Variants in VAV3 observed in about 807,000 individuals in gnomAD.
VAV3 encodes guanine nucleotide exchange factor VAV3.
A neutral mutation model predicts 131.2 loss-of-function variants in VAV3; 94 were observed. The ratio of observed to expected loss-of-function variants is 0.72; its 90% CI spans 0.61 to 0.85. VAV3 has a LOEUF of 0.85. Among genes scored for constraint, VAV3 ranks in the 40% least tolerant of loss-of-function variants. The pLI, the probability that VAV3 is intolerant of heterozygous loss-of-function variation, is 0.00. For synonymous variants in VAV3, 349 were observed against 342.0 expected (o/e 1.02, Z -0.22); for missense variants, 939 against 1,002.7 (o/e 0.94, Z 0.86).
At chr1:107,770,596 G>T in intron 6 of VAV3, 40 bp downstream of exon 6, 1 of 1,223,386 alleles carries the variant, frequency 8.2e-7, no homozygotes, top group Non-Finnish European at 1.2e-6. Flanking sequence ...AACTATATTA[G>T]GCAGTATTTG....
chr1:107,950,130 C>CA (rs58865681), intron 1 of VAV3, among the ~76,000 whole-genome samples: 108,713 of 150,194 alleles, frequency 0.72, 40,837 homozygotes, highest in East Asian at 0.91. Flanking sequence ...AACCACAAAA[C>CA]AAAAAAAAAG....
chr1:107,835,983 G>C (rs1457998845), intron 2 of VAV3, among the ~76,000 whole-genome samples: 1 of 152,164 alleles, frequency 6.6e-6, no homozygotes, highest in African/African-American at 2.4e-5. Flanking sequence ...GGAAACACAG[G>C]CATGGTGCCT....
chr1:107,905,593 A>C (rs1274286818), intron 1 of VAV3, among the ~76,000 whole-genome samples: 1 of 152,204 alleles, frequency 6.6e-6, no homozygotes, highest in Non-Finnish European at 1.5e-5. Context: ...CCAGATTGCA[A>C]ACCTCTGAGC....
At chr1:107,862,886 C>T (rs1161906706) in intron 2 of VAV3, 4 of 151,708 alleles carry the variant, frequency 2.6e-5, no homozygotes, top group African/African-American at 9.7e-5. Flanking sequence ...ATGATAAACC[C>T]CAAATTTCTA....
intron 17 of VAV3, among the ~76,000 whole-genome samples, chr1:107,701,186 G>A (rs1451429345): frequency 6.6e-6 from 1 of 151,962 alleles, no homozygotes; most frequent in Non-Finnish European, 1.5e-5. Flanking sequence ...TAAGTGCCTT[G>A]TAGACTCTGG....
intron 15 of VAV3, among the ~76,000 whole-genome samples, chr1:107,723,641 A>C (rs1047209666): frequency 1.8e-4 from 26 of 148,298 alleles, no homozygotes; most frequent in Non-Finnish European, 3.0e-4. Flanking sequence ...AGCAGACCCA[A>C]CTCTCTCTCC....
At position 107,779,428 on chromosome 1, in the gene VAV3, G is replaced by A; in HGVS notation, c.380+6C>T. On this transcript the variant is annotated splice_donor_region_variant and intron_variant, in intron 3 of 26. Transcript: ENST00000370056. ...GGGACACATGAACAACGAAAACAGA[G>A]CTTACCTGATTCCTGTGGCCAATGC... The A allele has an allele frequency of 6.3e-7, 1 of 1,584,150 alleles. No individual in the cohort carries two copies. The highest frequency in any genetic ancestry group is 8.6e-7 in the Non-Finnish European group (1 of 1,165,666).
chr1:107,643,197 A>G (rs1655486952), intron 19 of VAV3, among the ~76,000 whole-genome samples: 1 of 152,140 alleles, frequency 6.6e-6, no homozygotes, highest in African/African-American at 2.4e-5. Context: ...TGCCCAGTAT[A>G]TGGATCATAT....
intron 11 of VAV3, 48 bp from the exon 12 acceptor site, chr1:107,755,561 A>G (rs770729276): frequency 3.7e-6 from 5 of 1,335,152 alleles, no homozygotes; most frequent in Non-Finnish European, 5.3e-6. Flanking sequence ...CTAAGATTAG[A>G]GATGCAAACT....
At chr1:107,686,025 T>G (rs1658990009) in intron 18 of VAV3, 9 of 1,724 alleles carry the variant, frequency 5.2e-3, no homozygotes, top group South Asian at 0.02. Flanking sequence ...GGTGGGCTGG[T>G]TGGGGGGGTG....
Position 107,955,787 on chromosome 1 carries a change from C to T in VAV3, c.204+8879G>A, listed in dbSNP as rs187555174. Among the ~76,000 whole-genome samples, 22 of 152,242 alleles carry T rather than the reference C, an allele frequency of 1.4e-4. 1 individual carries two copies. Among genetic ancestry groups the T allele is most frequent in the Admixed American group, 4.6e-4 (7 of 15,294 alleles). ...AGAAGAGCTTTGAGAGATGAAGCAG[C>T]ACAAGACCATGAGCTCTTGCATACT... On this transcript the variant is annotated intron_variant, in intron 1 of 26. Transcript: ENST00000370056.
chr1:107,580,451 T>G (rs996993796), intron 25 of VAV3, among the ~76,000 whole-genome samples: 3 of 152,162 alleles, frequency 2.0e-5, no homozygotes, highest in African/African-American at 4.8e-5. Context: ...GAACACCTAT[T>G]AAATACTGTA....
At chr1:107,669,426 A>T (rs1557748554) in intron 19 of VAV3, 1 of 1,289,752 alleles carries the variant, frequency 7.8e-7, no homozygotes, top group South Asian at 1.2e-5. Context: ...CAATGCTTCT[A>T]GTAGCAGGGG....
At chr1:107,953,153 T>G (rs950896657) in intron 1 of VAV3, among the ~76,000 whole-genome samples, 1 of 152,170 alleles carries the variant, frequency 6.6e-6, no homozygotes, top group African/African-American at 2.4e-5. Flanking sequence ...ACAGTTGGAC[T>G]CAAGTCCTGT....
chr1:107,865,446 G>C (rs1376575961), intron 2 of VAV3, among the ~76,000 whole-genome samples: 2 of 152,098 alleles, frequency 1.3e-5, no homozygotes, highest in South Asian at 2.1e-4. Context: ...CGCAGACAAG[G>C]GACTAAAGGG....
At chr1:107,913,051 T>A (rs1276757166) in intron 1 of VAV3, among the ~76,000 whole-genome samples, 1 of 152,254 alleles carries the variant, frequency 6.6e-6, no homozygotes, top group Non-Finnish European at 1.5e-5. Context: ...GTAATCTTTT[T>A]CATGTAGGTT....
intron 1 of VAV3, among the ~76,000 whole-genome samples, chr1:107,889,996 T>G (rs1557904596): frequency 6.6e-6 from 1 of 152,230 alleles, no homozygotes; most frequent in African/African-American, 2.4e-5. Flanking sequence ...TTGTATTACC[T>G]GCTTTTGATT....
chr1:107,693,042 C>T (rs964472492), intron 17 of VAV3, among the ~76,000 whole-genome samples: 3 of 152,122 alleles, frequency 2.0e-5, no homozygotes, highest in East Asian at 1.9e-4. Context: ...TAGACCTTCG[C>T]GGTGGTGTAC....
intron 15 of VAV3, among the ~76,000 whole-genome samples, chr1:107,745,182 C>A (rs1663261365): frequency 6.6e-6 from 1 of 151,590 alleles, no homozygotes; most frequent in Non-Finnish European, 1.5e-5. Flanking sequence ...TTGTGAGAGA[C>A]AGTTAGTGAC....
Sources: gnomAD v4.1 joint callset for allele counts (sites outside exome capture counted in the v4.1 genomes callset) on GRCh38, gnomAD v4.1.1 for gene constraint, MANE v1.5 for transcripts, NCBI Gene and HGNC (gene_info 2026-07-23, HGNC 2026-07-21) for gene names.